MRPL19: variants seen among roughly 807,000 people sequenced by gnomAD.
MRPL19 encodes large ribosomal subunit protein bL19m.
In MRPL19, 31 loss-of-function variants were observed where a neutral mutation model predicts 34.0. That is an observed-to-expected ratio of 0.91 (90% confidence interval 0.68 to 1.23). The LOEUF (loss-of-function observed/expected upper bound fraction) is 1.23. Among genes scored for constraint, MRPL19 ranks in the 50% most tolerant of loss-of-function variants. MRPL19 has a pLI of 0.00. For missense variants in MRPL19, 384 were observed against 367.6 expected (o/e 1.04, Z -0.37); for synonymous variants, 152 against 127.7 (o/e 1.19, Z -1.28).
Position 75,659,377 on chromosome 2 carries a change from A to C in MRPL19, c.*4092A>C, listed in dbSNP as rs1470124859. On this transcript the variant is annotated 3_prime_UTR_variant, in exon 6 of 6. Transcript: ENST00000393909. ...TTATTTGTATGAGTTTGTCTTTTAA[A>C]TCATTTAGGAAATAAAAAGTGGAGT... Among the ~76,000 whole-genome samples the C allele has an allele frequency of 6.6e-6, 1 of 152,156 alleles. No individual in the cohort carries two copies. Among genetic ancestry groups the C allele is most frequent in the African/African-American group, 2.4e-5 (1 of 41,452 alleles).
At chr2:75,654,640 T>A (rs1379180054) in intron 4 of MRPL19, 96 bp from the exon 5 acceptor site, 6 of 1,127,980 alleles carry the variant, frequency 5.3e-6, no homozygotes, top group Non-Finnish European at 7.3e-6. Flanking sequence ...TGCAAAACTT[T>A]GTGCTAATTC....
Position 75,655,082 on chromosome 2 carries a change from C to G in MRPL19, c.676C>G (p.Pro226Ala). 6.3e-7 allele frequency: 1 copy of G among 1,587,262 alleles called. No homozygotes were observed. The highest frequency in any genetic ancestry group is 8.6e-7 in the Non-Finnish European group (1 of 1,167,224). Reference protein sequence around the residue: ...PVNELKVKMKPKPWSKRWERP... With the variant: ...PVNELKVKMKAKPWSKRWERP... ...TCCTTAGCTGAAAGTAAAAATGAAG[C>G]CTAAGCCCTGGTCTAAACGCTGGGA... The change falls in exon 6 of 6, where the codon CCT (proline) becomes GCT (alanine). Residue 226 changes from proline to alanine, a missense_variant. Coordinates refer to ENST00000393909, the MANE Select transcript of MRPL19 (RefSeq NM_014763.4).
chr2:75,650,735 A>C (rs1404247113), intron 2 of MRPL19, among the ~76,000 whole-genome samples: 7 of 152,188 alleles, frequency 4.6e-5, no homozygotes, highest in African/African-American at 7.2e-5. Flanking sequence ...ACAGAAGAGA[A>C]GAGACGAGGA....
At chr2:75,647,390 C>A in intron 2 of MRPL19, 171 bp downstream of exon 2, 1 of 626,532 alleles carries the variant, frequency 1.6e-6, no homozygotes, top group South Asian at 2.1e-5. Context: ...CACTTCTCCC[C>A]AAGCCAGCAT....
At position 75,655,339 on chromosome 2, in the gene MRPL19, T is replaced by C. The variant is rs1342956334; in HGVS notation, c.*54T>C. 7 of 1,287,166 alleles carry C rather than the reference T, an allele frequency of 5.4e-6. No individual in the cohort carries two copies. Among genetic ancestry groups the C allele is most frequent in the South Asian group, 1.3e-5 (1 of 75,634 alleles). 79.7% of individuals were successfully genotyped at this position (1,287,166 alleles called of 1,614,324 possible). A position where few individuals can be genotyped will look rare whatever the true frequency, so the allele number is the denominator to read the frequency against. On this transcript the variant is annotated 3_prime_UTR_variant, in exon 6 of 6. Coordinates refer to ENST00000393909, the MANE Select transcript of MRPL19 (RefSeq NM_014763.4). Reference sequence around the variant, plus strand: ...AAGATACATTGGCTCTAAGAGGATATATTTTGAGACCAATTTAATTTCATT... The same window carrying C: ...AAGATACATTGGCTCTAAGAGGATACATTTTGAGACCAATTTAATTTCATT...
intron 2 of MRPL19, among the ~76,000 whole-genome samples, chr2:75,648,455 G>A (rs1678264694): frequency 6.6e-6 from 1 of 152,108 alleles, no homozygotes; most frequent in Non-Finnish European, 1.5e-5. Flanking sequence ...GTATAGCAGT[G>A]AAAAATGAGT....
chr2:75,647,266 G>C, intron 2 of MRPL19, 47 bp downstream of exon 2: 1 of 1,521,012 alleles, frequency 6.6e-7, no homozygotes, highest in South Asian at 1.3e-5. Flanking sequence ...GTCGGTGCGC[G>C]CGTGAGCGCG....
At chr2:75,648,094 TAGA>T (rs1465350302) in intron 2 of MRPL19, among the ~76,000 whole-genome samples, 1 of 152,068 alleles carries the variant, frequency 6.6e-6, no homozygotes, top group Admixed American at 6.6e-5. Context: ...CGGATTTAAA[TAGA>T]AGTAAACTTG....
rs973372376 is a variant in MRPL19 at position 75,658,150 on chromosome 2, T to C, written c.*2865T>C. On this transcript the variant is annotated 3_prime_UTR_variant, in exon 6 of 6. Transcript: ENST00000393909. ...AGTGCAGTGGTGTGATCATAGCTCA[T>C]TGCAGCCTCAAAATCCTGGGCTCAA... Among the ~76,000 whole-genome samples the C allele has an allele frequency of 6.6e-6, 1 of 152,044 alleles. No individual in the cohort carries two copies. The highest frequency in any genetic ancestry group is 1.5e-5 in the Non-Finnish European group (1 of 67,968).
Position 75,655,378 on chromosome 2 carries a change from T to A in MRPL19, c.*93T>A. 1.1e-6 allele frequency: 1 copy of A among 912,568 alleles called. No homozygotes were observed. 56.5% of individuals were successfully genotyped at this position (912,568 alleles called of 1,614,324 possible). ...TTTAATTTCATTTATAAGAACATAG[T>A]AATTAAGTGAACTAAGCATTCATTG... On this transcript the variant is annotated 3_prime_UTR_variant, in exon 6 of 6. Coordinates refer to ENST00000393909, the MANE Select transcript of MRPL19 (RefSeq NM_014763.4).
In MRPL19 at chr2:75,655,274, A is replaced by G. The variant is rs772001144; in HGVS notation, c.868A>G (p.Lys290Glu). ...AAIWKEIEAS[K>E]RS Reference sequence around the variant, plus strand: ...AATATGGAAGGAAATTGAAGCGTCGAAAAGGTCTTGATTCTGAGAATGAAT... The same window carrying G: ...AATATGGAAGGAAATTGAAGCGTCGGAAAGGTCTTGATTCTGAGAATGAAT... The change falls in exon 6 of 6, where the codon AAA becomes GAA. Residue 290 changes from lysine (K) to glutamate (E), a missense_variant. Lys to Glu is a moderately conservative substitution (Grantham distance 56). Coordinates refer to ENST00000393909, the MANE Select transcript of MRPL19 (RefSeq NM_014763.4). 3.7e-6 allele frequency: 6 copies of G among 1,611,786 alleles called. No homozygotes were observed. Among genetic ancestry groups the G allele is most frequent in the Non-Finnish European group, 8.5e-7 (1 of 1,178,658 alleles).
At chr2:75,653,566 T>C (rs1228314779) in intron 4 of MRPL19, among the ~76,000 whole-genome samples, 1 of 152,228 alleles carries the variant, frequency 6.6e-6, no homozygotes, top group South Asian at 2.1e-4. Context: ...TTCTCTGTAG[T>C]ATGTCTGACT....
chr2:75,648,181 T>C (rs1234631865), intron 2 of MRPL19, among the ~76,000 whole-genome samples: 1 of 152,190 alleles, frequency 6.6e-6, no homozygotes, highest in Non-Finnish European at 1.5e-5. Context: ...ATGGAATATC[T>C]CTTTTAAACA....
In MRPL19 at chr2:75,646,884, TC is replaced by T. The variant is rs1558718327; in HGVS notation, c.83del (p.Pro28ArgfsTer49). On this transcript the variant is annotated frameshift_variant, in exon 1 of 6. Transcript: ENST00000393909. LOFTEE classifies it high-confidence loss of function. ...AGTTTCCAAGCCGCCAGGACTCTGC[TC>T]CCCCCGCCGGCCTCTATCGCCTGCA... Reference protein sequence around the residue: ...GRSFQAARTLLPPPASIACRV... With the variant: ...GRSFQAARTLXPPPASIACRV... 3 of 1,581,418 alleles carry T rather than the reference TC, an allele frequency of 1.9e-6. No individual in the cohort carries two copies. Among genetic ancestry groups the T allele is most frequent in the Non-Finnish European group, 2.6e-6 (3 of 1,164,480 alleles).
At chr2:75,647,257 T>A (rs2104121214) in intron 2 of MRPL19, 38 bp downstream of exon 2, 1 of 1,544,392 alleles carries the variant, frequency 6.5e-7, no homozygotes, top group East Asian at 2.4e-5. Flanking sequence ...GCAACTGGGG[T>A]CGGTGCGCGC....
intron 2 of MRPL19, chr2:75,651,292 G>A (rs576462627): frequency 3.5e-5 from 18 of 515,376 alleles, no homozygotes; most frequent in African/African-American, 2.5e-4. Flanking sequence ...TGCTGCAGCT[G>A]TGTCTCTGGA....
chr2:75,655,411 AAT>A lies in MRPL19; in HGVS notation c.*128_*129del. On this transcript the variant is annotated 3_prime_UTR_variant, in exon 6 of 6. Transcript: ENST00000393909. ...TGAACTAAGCATTCATTGTTTTATT[AAT>A]ACTTTTTTTCTAAAATAAAACTTGT... 1 of 710,268 alleles carries A rather than the reference AAT, an allele frequency of 1.4e-6. No individual in the cohort carries two copies. Among genetic ancestry groups the A allele is most frequent in the Non-Finnish European group, 2.2e-6 (1 of 445,526 alleles). The allele number at this position is 710,268 out of a possible 1,614,324, so 44.0% of individuals were successfully genotyped here.
rs930897354 is a variant in MRPL19 at position 75,659,527 on chromosome 2, A to G, written c.*4242A>G. On this transcript the variant is annotated 3_prime_UTR_variant, in exon 6 of 6. Coordinates refer to ENST00000393909, the MANE Select transcript of MRPL19 (RefSeq NM_014763.4). ...GTGCCCTTCCATTTCGGCCCAAAGG[A>G]TTCCCTTATGCATTTCTTGCAGGGC... Among the ~76,000 whole-genome samples, 3 of 152,116 alleles carry G rather than the reference A, an allele frequency of 2.0e-5. No homozygotes were observed. Among genetic ancestry groups the G allele is most frequent in the African/African-American group, 4.8e-5 (2 of 41,452 alleles).
chr2:75,649,533 A>G (rs1438122660), intron 2 of MRPL19, among the ~76,000 whole-genome samples: 1 of 152,154 alleles, frequency 6.6e-6, no homozygotes, highest in Non-Finnish European at 1.5e-5. Flanking sequence ...AGATTATGTT[A>G]TCAAATTAAT....
Sources: gnomAD v4.1 joint callset for allele counts (sites outside exome capture counted in the v4.1 genomes callset) on GRCh38, gnomAD v4.1.1 for gene constraint, MANE v1.5 for transcripts, NCBI Gene and HGNC (gene_info 2026-07-23, HGNC 2026-07-21) for gene names.